NCALD: variants seen among roughly 807,000 people sequenced by gnomAD.
The protein encoded by NCALD is neurocalcin delta, also known as neurocalcin-delta.
In NCALD, 10 loss-of-function variants were observed where a neutral mutation model predicts 18.6. The observed-to-expected ratio is 0.54, with a 90% CI of 0.33 to 0.91. NCALD has a LOEUF of 0.91. Among genes scored for constraint, NCALD ranks in the 40% least tolerant of loss-of-function variants. NCALD has a pLI of 0.03. For synonymous variants in NCALD, 88 were observed against 87.4 expected, an observed-to-expected ratio of 1.01 and a Z score of -0.04; for missense variants, 184 against 247.6, an observed-to-expected ratio of 0.74 and a Z score of 1.72.
rs1368190071 is a variant in NCALD, at chr8:101,991,075, AT to A, written c.-157+29161del. Among the ~76,000 whole-genome samples the A allele has an allele frequency of 2.0e-5, 3 of 152,324 alleles. 1 individual carries two copies. Among genetic ancestry groups the A allele is most frequent in the African/African-American group, 7.2e-5 (3 of 41,580 alleles). On this transcript the variant is annotated intron_variant, in intron 2 of 6. Transcript: ENST00000311028. ...GAATGGCAGTTGCAGAAAGTAATTT[AT>A]TTGGGTCTTAAGCAGAAACGAAGGC...
At chr8:101,841,528 T>C (rs1049515226) in intron 4 of NCALD, among the ~76,000 whole-genome samples, 1 of 152,198 alleles carries the variant, frequency 6.6e-6, no homozygotes, top group Admixed American at 6.5e-5. Flanking sequence ...TCCCCCAGGT[T>C]GTGACAATCA....
intron 1 of NCALD, among the ~76,000 whole-genome samples, chr8:101,720,513 C>T (rs1816302748): frequency 6.6e-6 from 1 of 152,144 alleles, no homozygotes; most frequent in Admixed American, 6.5e-5. Flanking sequence ...CCAGACTTTT[C>T]GTATGTGTAC....
At chr8:101,807,106 C>T (rs56249593) in intron 4 of NCALD, among the ~76,000 whole-genome samples, 11,368 of 151,884 alleles carry the variant, frequency 0.075, 1,413 homozygotes, top group African/African-American at 0.26. Context: ...ACTAGATAAA[C>T]GAAAACAGAC....
At chr8:102,004,735 A>G (rs915448328) in intron 2 of NCALD, among the ~76,000 whole-genome samples, 3 of 152,208 alleles carry the variant, frequency 2.0e-5, no homozygotes, top group African/African-American at 7.2e-5. Flanking sequence ...ACATATCTAC[A>G]ACTATCTGAT....
At chr8:101,732,739 G>A (rs144836696) in intron 1 of NCALD, among the ~76,000 whole-genome samples, 1 of 151,640 alleles carries the variant, frequency 6.6e-6, no homozygotes, top group African/African-American at 2.4e-5. Context: ...GAGTAGCTGA[G>A]ACTTCAGGCA....
At chr8:102,049,255 G>C (rs921528380) in intron 1 of NCALD, among the ~76,000 whole-genome samples, 2 of 152,170 alleles carry the variant, frequency 1.3e-5, no homozygotes, top group African/African-American at 4.8e-5. Context: ...AGTGAAGGAG[G>C]CAACTTTCCA....
intron 2 of NCALD, among the ~76,000 whole-genome samples, chr8:101,715,310 C>A (rs1021321116): frequency 5.3e-5 from 8 of 152,252 alleles, no homozygotes; most frequent in Middle Eastern, 3.4e-3. Flanking sequence ...CTTTCTTACA[C>A]CTTATACAAA....
intron 1 of NCALD, among the ~76,000 whole-genome samples, chr8:101,777,141 T>G (rs1454617692): frequency 6.6e-6 from 1 of 152,140 alleles, no homozygotes; most frequent in African/African-American, 2.4e-5. Context: ...ACTAGCCCCA[T>G]CAGCAAAGAA....
intron 2 of NCALD, 24 bp downstream of exon 2, chr8:101,719,228 T>C: frequency 6.3e-7 from 1 of 1,599,528 alleles, no homozygotes; most frequent in Non-Finnish European, 8.5e-7. Flanking sequence ...GCCCTTCTTT[T>C]TTTAAAGGGC....
intron 4 of NCALD, among the ~76,000 whole-genome samples, chr8:101,806,148 C>T (rs556941171): frequency 6.6e-6 from 1 of 151,708 alleles, no homozygotes; most frequent in South Asian, 2.1e-4. Context: ...GAAAATAGAC[C>T]TCACTAAAAT....
chr8:102,075,350 A>G (rs1423812627), intron 1 of NCALD, among the ~76,000 whole-genome samples: 2 of 152,188 alleles, frequency 1.3e-5, no homozygotes, highest in Non-Finnish European at 2.9e-5. Flanking sequence ...GATCATAGTA[A>G]TGTAACAGGA....
At chr8:101,745,657 C>G (rs1391944456) in intron 1 of NCALD, among the ~76,000 whole-genome samples, 1 of 152,170 alleles carries the variant, frequency 6.6e-6, no homozygotes. Flanking sequence ...TTGGCATCAC[C>G]ACAATCACCT....
At chr8:101,966,250 A>G (rs548016344) in intron 2 of NCALD, among the ~76,000 whole-genome samples, 4 of 152,206 alleles carry the variant, frequency 2.6e-5, no homozygotes, top group Non-Finnish European at 5.9e-5. Context: ...CTTTTTTTAA[A>G]GGTTAAAATA....
intron 4 of NCALD, among the ~76,000 whole-genome samples, chr8:101,807,843 T>C (rs1448319166): frequency 3.3e-5 from 5 of 152,158 alleles, no homozygotes; most frequent in Admixed American, 6.6e-5. Flanking sequence ...ATTTTTAAAA[T>C]GGCTGATAAT....
At chr8:102,112,361 C>A (rs867295336) in intron 1 of NCALD, among the ~76,000 whole-genome samples, 10 of 152,134 alleles carry the variant, frequency 6.6e-5, no homozygotes, top group Non-Finnish European at 5.9e-5. Flanking sequence ...AGACCAAAAC[C>A]GGATTAATCC....
intron 4 of NCALD, among the ~76,000 whole-genome samples, chr8:101,813,401 C>A (rs1813378783): frequency 6.6e-6 from 1 of 152,032 alleles, no homozygotes; most frequent in Non-Finnish European, 1.5e-5. Flanking sequence ...ACATGATGAA[C>A]TGGGCAAACA....
chr8:101,862,424 G>A (rs1056607286), intron 4 of NCALD, among the ~76,000 whole-genome samples: 11 of 152,058 alleles, frequency 7.2e-5, no homozygotes, highest in South Asian at 4.1e-4. Context: ...TTTTAATTAC[G>A]ATCCATGAAG....
chr8:101,774,446 A>G (rs1277516788), intron 1 of NCALD, among the ~76,000 whole-genome samples: 1 of 152,236 alleles, frequency 6.6e-6, no homozygotes, highest in Non-Finnish European at 1.5e-5. Context: ...AGAAAAAAAA[A>G]TCACAATGAT....
intron 2 of NCALD, among the ~76,000 whole-genome samples, chr8:101,934,454 C>T (rs746837113): frequency 3.3e-5 from 5 of 152,016 alleles, no homozygotes; most frequent in Non-Finnish European, 7.4e-5. Context: ...GAAATAAAAA[C>T]AGAGCCCTGG....
Sources: allele counts gnomAD v4.1 joint callset (sites outside exome capture counted in the v4.1 genomes callset), GRCh38; gene constraint gnomAD v4.1.1; transcripts MANE v1.5; gene names NCBI Gene and HGNC (gene_info 2026-07-23, HGNC 2026-07-21).